Variants in FGF1 observed in about 807,000 individuals in gnomAD.
FGF1 encodes fibroblast growth factor 1.
A neutral mutation model predicts 13.4 loss-of-function variants in FGF1; 9 were observed. The observed-to-expected ratio is 0.67, with a 90% CI of 0.40 to 1.17. The LOEUF is 1.17. Ranked by LOEUF, FGF1 falls within the 50% of genes most tolerant of loss-of-function variation. FGF1 has a pLI of 0.01. For synonymous variants in FGF1, 93 were observed against 79.0 expected (o/e 1.18, Z -0.94); for missense variants, 156 against 192.7 (o/e 0.81, Z 1.13).
intron 1 of FGF1, among the ~76,000 whole-genome samples, chr5:142,680,525 C>T (rs929574680): frequency 6.6e-6 from 1 of 152,124 alleles, no homozygotes; most frequent in Non-Finnish European, 1.5e-5. Context: ...CAGTCACTTA[C>T]TACCAGTGAG....
intron 3 of FGF1, among the ~76,000 whole-genome samples, chr5:142,599,879 A>AT (rs963448073): frequency 6.6e-6 from 1 of 152,234 alleles, no homozygotes; most frequent in Non-Finnish European, 1.5e-5. Context: ...AGTACCTAAC[A>AT]TGGCACTTAG....
chr5:142,630,414 T>C (rs1450897132), intron 1 of FGF1, among the ~76,000 whole-genome samples: 1 of 152,142 alleles, frequency 6.6e-6, no homozygotes, highest in Non-Finnish European at 1.5e-5. Context: ...CCTTCTGAAA[T>C]AGCCCCATCT....
chr5:142,664,342 G>A (rs948508680), intron 1 of FGF1, among the ~76,000 whole-genome samples: 5 of 152,174 alleles, frequency 3.3e-5, no homozygotes, highest in Non-Finnish European at 5.9e-5. Context: ...TAGGCTCTGC[G>A]GCTCCCTAGC....
intron 1 of FGF1, among the ~76,000 whole-genome samples, chr5:142,618,666 T>C (rs1354222570): frequency 6.6e-6 from 1 of 152,102 alleles, no homozygotes; most frequent in Non-Finnish European, 1.5e-5. Context: ...GCCACAAACA[T>C]AGCAGAGAAG....
chr5:142,612,955 T>C (rs1759399418), intron 2 of FGF1, among the ~76,000 whole-genome samples: 1 of 151,592 alleles, frequency 6.6e-6, no homozygotes, highest in Non-Finnish European at 1.5e-5. Flanking sequence ...TAAACCATCA[T>C]GTCAAAGTGA....
At chr5:142,672,385 C>T (rs1771642441) in intron 1 of FGF1, among the ~76,000 whole-genome samples, 2 of 152,028 alleles carry the variant, frequency 1.3e-5, no homozygotes, top group African/African-American at 4.8e-5. Context: ...CCACCAAGTA[C>T]CAGGCACTGT....
At chr5:142,617,158 C>T (rs891157226) in intron 1 of FGF1, among the ~76,000 whole-genome samples, 1 of 152,014 alleles carries the variant, frequency 6.6e-6, no homozygotes, top group East Asian at 1.9e-4. Flanking sequence ...TGAGGTCAAG[C>T]GTTCAAGACC....
chr5:142,605,661 G>A (rs959263968), intron 2 of FGF1, among the ~76,000 whole-genome samples: 2 of 152,110 alleles, frequency 1.3e-5, no homozygotes, highest in African/African-American at 4.8e-5. Flanking sequence ...GTGAGAGTTC[G>A]TCTCAAAAGT....
At chr5:142,643,028 A>G (rs1334156315) in intron 1 of FGF1, among the ~76,000 whole-genome samples, 3 of 152,260 alleles carry the variant, frequency 2.0e-5, no homozygotes, top group Non-Finnish European at 2.9e-5. Context: ...ATTAACAAAT[A>G]AGGAAAAACC....
At chr5:142,688,069 G>A (rs1218616222), upstream of FGF1, among the ~76,000 whole-genome samples, 2 of 152,088 alleles carry the variant, frequency 1.3e-5, no homozygotes, top group South Asian at 2.1e-4. Context: ...ATGTCCAGTT[G>A]TGAAACCCTG....
chr5:142,616,255 A>G (rs1760210574), intron 1 of FGF1, among the ~76,000 whole-genome samples: 2 of 152,244 alleles, frequency 1.3e-5, no homozygotes, highest in South Asian at 4.2e-4. Flanking sequence ...TGGCATTTTA[A>G]TGTTTCTGGT....
intron 2 of FGF1, among the ~76,000 whole-genome samples, chr5:142,603,600 G>A (rs1757044067): frequency 6.6e-6 from 1 of 152,178 alleles, no homozygotes; most frequent in African/African-American, 2.4e-5. Flanking sequence ...GCACACAGGG[G>A]GCAGTCTACA....
chr5:142,633,625 ACT>A (rs1763729352), intron 1 of FGF1, among the ~76,000 whole-genome samples: 1 of 151,984 alleles, frequency 6.6e-6, no homozygotes. Flanking sequence ...TGGGCCTGTG[ACT>A]CTTGCCGGAG....
chr5:142,621,785 C>T (rs1388364332), intron 1 of FGF1, among the ~76,000 whole-genome samples: 1 of 152,116 alleles, frequency 6.6e-6, no homozygotes, highest in Non-Finnish European at 1.5e-5. Flanking sequence ...CCAAACTTGC[C>T]TTCCATTTTC....
At chr5:142,679,442 G>A (rs577014458) in intron 1 of FGF1, among the ~76,000 whole-genome samples, 5 of 152,262 alleles carry the variant, frequency 3.3e-5, no homozygotes, top group South Asian at 2.1e-4. Context: ...AGGACCACTC[G>A]GTAGAATTGC....
chr5:142,608,441 G>C (rs1344277896), intron 2 of FGF1, among the ~76,000 whole-genome samples: 1 of 150,824 alleles, frequency 6.6e-6, no homozygotes. Context: ...AAACATTAGA[G>C]AAAGACAGAG....
At chr5:142,689,841 G>A (rs576625095), upstream of FGF1, among the ~76,000 whole-genome samples, 9 of 150,862 alleles carry the variant, frequency 6.0e-5, no homozygotes, top group African/African-American at 2.2e-4. Context: ...TGGGACTACA[G>A]GCGCCCGCTA....
At chr5:142,620,273 C>T (rs549533574) in intron 1 of FGF1, among the ~76,000 whole-genome samples, 2 of 152,168 alleles carry the variant, frequency 1.3e-5, no homozygotes, top group African/African-American at 2.4e-5. Context: ...AAAAAATTAG[C>T]TGGGCATGGT....
intron 1 of FGF1, among the ~76,000 whole-genome samples, chr5:142,632,160 A>T (rs1476147025): frequency 6.6e-6 from 1 of 152,226 alleles, no homozygotes; most frequent in Non-Finnish European, 1.5e-5. Context: ...AGTGATAAAG[A>T]TCAATACAAT....
Sources: allele counts gnomAD v4.1 joint callset (sites outside exome capture counted in the v4.1 genomes callset), GRCh38; gene constraint gnomAD v4.1.1; transcripts MANE v1.5; gene names NCBI Gene and HGNC (gene_info 2026-07-23, HGNC 2026-07-21).